Variants in UBE3C observed in about 807,000 individuals in gnomAD.
UBE3C encodes ubiquitin protein ligase E3C.
In UBE3C, 42 loss-of-function variants were observed where a neutral mutation model predicts 129.4. The ratio of observed to expected loss-of-function variants is 0.32; its 90% CI spans 0.25 to 0.42. UBE3C has a LOEUF of 0.42. UBE3C is among the 10% of genes least tolerant of loss of function. The pLI is 1.00. For missense variants in UBE3C, 1,049 were observed against 1,319.1 expected (o/e 0.80, Z 3.17); for synonymous variants, 510 against 492.4 (o/e 1.04, Z -0.47).
intron 17 of UBE3C, among the ~76,000 whole-genome samples, chr7:157,230,095 G>A (rs1218279345): frequency 6.6e-6 from 1 of 151,318 alleles, no homozygotes; most frequent in Non-Finnish European, 1.5e-5. Flanking sequence ...TTTTAGTAGG[G>A]ATGGGGTTTC....
At chr7:157,210,186 A>T (rs1030807303) in intron 13 of UBE3C, among the ~76,000 whole-genome samples, 4 of 152,080 alleles carry the variant, frequency 2.6e-5, no homozygotes, top group African/African-American at 9.7e-5. Context: ...AAAAAAAAAG[A>T]GGGTGAAAAT....
chr7:157,209,477 G>A (rs145780313), intron 13 of UBE3C, among the ~76,000 whole-genome samples: 13 of 152,262 alleles, frequency 8.5e-5, no homozygotes, highest in Non-Finnish European at 1.8e-4. Context: ...TGACAAATTT[G>A]CAATTTTTCT....
intron 17 of UBE3C, 49 bp from the exon 18 acceptor site, chr7:157,231,031 G>A (rs1302107483): frequency 6.2e-7 from 1 of 1,600,978 alleles, no homozygotes; most frequent in African/African-American, 1.3e-5. Flanking sequence ...TGATGTTATT[G>A]CTTGCTTGTA....
In UBE3C at chr7:157,186,990, G is replaced by T; in HGVS notation, c.1300G>T (p.Val434Leu). Residue 434 changes from valine (V) to leucine (L), a missense_variant, in exon 10 of 23, where the codon GTG becomes TTG. Val to Leu is a conservative substitution (Grantham distance 32). This residue lies in a region of UBE3C where 314 missense variants were observed against 416.9 expected (regional missense o/e 0.75). Coordinates refer to ENST00000348165, the MANE Select transcript of UBE3C (RefSeq NM_014671.3). ...TMASVCHTLM[V>L]QHRMMVPKVR... ...GGCCTCCGTCTGCCACACGCTGATG[G>T]TGCAGCACCGCATGATGGTACCCAA... The T allele has an allele frequency of 6.2e-7, 1 of 1,609,992 alleles. No individual in the cohort carries two copies.
At chr7:157,190,188 C>T (rs1808917390) in intron 10 of UBE3C, among the ~76,000 whole-genome samples, 1 of 152,178 alleles carries the variant, frequency 6.6e-6, no homozygotes, top group South Asian at 2.1e-4. Flanking sequence ...ACATTTGTGT[C>T]TTTAGTTTAA....
chr7:157,261,438 G>A (rs1476285412), intron 22 of UBE3C, among the ~76,000 whole-genome samples: 6 of 96,704 alleles, frequency 6.2e-5, no homozygotes, highest in Non-Finnish European at 9.4e-5. Flanking sequence ...TCCATGAGAC[G>A]GTCTTACTGT....
Position 157,175,054 on chromosome 7 carries a change from C to A in UBE3C, c.458+20C>A. 1 of 1,575,940 alleles carries A rather than the reference C, an allele frequency of 6.3e-7. No homozygotes were observed. Among genetic ancestry groups the A allele is most frequent in the Non-Finnish European group, 8.7e-7 (1 of 1,153,434 alleles). ...TTGCAGGTAAAATTCTATTGTAAGT[C>A]AGTAACGTATATAATGTATTGATCA... On this transcript the variant is annotated intron_variant, in intron 5 of 22. Transcript: ENST00000348165.
At chr7:157,156,689 T>C (rs931065028) in intron 1 of UBE3C, among the ~76,000 whole-genome samples, 1 of 147,026 alleles carries the variant, frequency 6.8e-6, no homozygotes, top group Non-Finnish European at 1.5e-5. Context: ...CATAATCATA[T>C]AGGTGTGTAA....
intron 18 of UBE3C, among the ~76,000 whole-genome samples, chr7:157,235,055 G>A (rs1200529111): frequency 6.6e-6 from 1 of 152,124 alleles, no homozygotes. Flanking sequence ...GCTGGGCGTG[G>A]TGGTGCATGC....
At chr7:157,222,270 T>A (rs1165478701) in intron 15 of UBE3C, 2 of 152,254 alleles carry the variant, frequency 1.3e-5, no homozygotes, top group African/African-American at 2.4e-5. Flanking sequence ...TCCCAATCTG[T>A]GGCTTGTCTT....
At chr7:157,243,008 T>C (rs1229426760) in intron 18 of UBE3C, among the ~76,000 whole-genome samples, 1 of 151,972 alleles carries the variant, frequency 6.6e-6, no homozygotes, top group African/African-American at 2.4e-5. Flanking sequence ...TGAGCCAAGA[T>C]TGTGCCACTG....
intron 18 of UBE3C, among the ~76,000 whole-genome samples, chr7:157,233,428 G>A (rs1472917620): frequency 2.0e-5 from 3 of 152,072 alleles, no homozygotes; most frequent in African/African-American, 7.2e-5. Context: ...ACCGTTGCTT[G>A]CTACCACACC....
rs1049318748 is a variant in UBE3C, at chr7:157,268,594, C to T, written c.*839C>T. On this transcript the variant is annotated 3_prime_UTR_variant, in exon 23 of 23. Coordinates refer to ENST00000348165, the MANE Select transcript of UBE3C (RefSeq NM_014671.3). ...GTTGTTTGAACCAAAGTGGCGGCTG[C>T]ATCTTTGTCCCGATGCTAGCCGTGC... 2.0e-5 allele frequency: 3 copies of T among 152,674 alleles called. No individual in the cohort carries two copies. Among genetic ancestry groups the T allele is most frequent in the Admixed American group, 1.3e-4 (2 of 15,284 alleles). The allele number at this position is 152,674 out of a possible 1,614,324, so 9.5% of individuals were successfully genotyped here.
chr7:157,165,269 T>G (rs1380497190), intron 2 of UBE3C, among the ~76,000 whole-genome samples: 4 of 152,132 alleles, frequency 2.6e-5, no homozygotes, highest in Non-Finnish European at 5.9e-5. Flanking sequence ...GTTTTTGACC[T>G]TTGCGTCGTT....
In UBE3C at chr7:157,171,660, T is replaced by TTATATATATATATATA. The variant is rs201782129; in HGVS notation, c.342+1222_342+1237dup. Reference sequence around the variant, plus strand: ...TGGGTTATATACATTTTTAAATATTTTATATATATATATATATATATATAT... The same window carrying TTATATATATATATATA: ...TGGGTTATATACATTTTTAAATATTTTATATATATATATATATATATATATATATATATATATATAT... On this transcript the variant is annotated intron_variant, in intron 4 of 22. Transcript: ENST00000348165. Among the ~76,000 whole-genome samples the TTATATATATATATATA allele has an allele frequency of 1.6e-3, 110 of 67,854 alleles. 2 individuals carry two copies. Among genetic ancestry groups the TTATATATATATATATA allele is most frequent in the South Asian group, 4.6e-3 (8 of 1,758 alleles). 44.5% of individuals were successfully genotyped at this position (67,854 alleles called of 152,430 possible).
At chr7:157,215,489 A>G (rs1376730497) in intron 13 of UBE3C, among the ~76,000 whole-genome samples, 1 of 148,144 alleles carries the variant, frequency 6.8e-6, no homozygotes, top group Non-Finnish European at 1.5e-5. Flanking sequence ...TATATATACT[A>G]GATACATAGT....
intron 18 of UBE3C, among the ~76,000 whole-genome samples, chr7:157,240,297 C>T (rs1436117865): frequency 2.6e-5 from 4 of 152,186 alleles, no homozygotes; most frequent in East Asian, 3.9e-4. Context: ...TCAAGTGATC[C>T]GCCCACCTCA....
At chr7:157,220,482 CAT>C (rs1287314050) in intron 14 of UBE3C, among the ~76,000 whole-genome samples, 3 of 152,070 alleles carry the variant, frequency 2.0e-5, no homozygotes, top group Non-Finnish European at 4.4e-5. Flanking sequence ...TATTAGAAAA[CAT>C]AGTTAACTGT....
intron 17 of UBE3C, among the ~76,000 whole-genome samples, chr7:157,226,483 T>G (rs1450077649): frequency 6.6e-6 from 1 of 152,208 alleles, no homozygotes; most frequent in Admixed American, 6.5e-5. Context: ...AATGAAAGTT[T>G]AGGCTGGATC....
Sources: allele counts gnomAD v4.1 joint callset (sites outside exome capture counted in the v4.1 genomes callset), GRCh38; gene constraint gnomAD v4.1.1; regional missense constraint gnomAD v4.1.1; transcripts MANE v1.5; gene names NCBI Gene and HGNC (gene_info 2026-07-23, HGNC 2026-07-21).